The following HP1BP3 variants were observed in gnomAD, a reference collection of about 807,000 sequenced individuals.
HP1BP3 encodes heterochromatin protein 1-binding protein 3.
HP1BP3 carries 12 observed loss-of-function variants against 62.5 expected under a neutral mutation model. That is an observed-to-expected ratio of 0.19 (90% CI 0.12 to 0.31). The LOEUF (loss-of-function observed/expected upper bound fraction) is 0.31. Among genes scored for constraint, HP1BP3 ranks in the 10% least tolerant of loss-of-function variants. The pLI is 1.00. For missense variants in HP1BP3, 502 were observed against 651.8 expected (o/e 0.77, Z 2.50); for synonymous variants, 260 against 237.8 (o/e 1.09, Z -0.86).
intron 7 of HP1BP3, among the ~76,000 whole-genome samples, 164 bp from the exon 8 acceptor site, chr1:20,765,695 G>A (rs954165808): frequency 6.6e-6 from 1 of 152,144 alleles, no homozygotes; most frequent in South Asian, 2.1e-4. Flanking sequence ...TAAAAGCTGG[G>A]TGTGGTGGCT....
intron 4 of HP1BP3, chr1:20,775,814 G>A (rs1236309986): frequency 3.3e-5 from 21 of 640,128 alleles, no homozygotes; most frequent in Non-Finnish European, 1.0e-5. Flanking sequence ...ATAAAGCCTA[G>A]GTATGTAGTA....
In HP1BP3 at chr1:20,747,602, G is replaced by C; in HGVS notation, c.1195C>G (p.Gln399Glu). ...QKCEKNGWME[Q>E]ISGKGFSGTF... ...CCACTGAACCCTTTCCCAGAGATCT[G>C]TTCCATCCACCCATTCTTTTCGCAT... Residue 399 changes from glutamine (Q) to glutamate (E), a missense_variant, in exon 11 of 13, where the codon CAG becomes GAG. Physicochemically the swap from Gln to Glu is conservative, Grantham distance 29. Transcript: ENST00000438032. The C allele has an allele frequency of 6.2e-7, 1 of 1,613,394 alleles. No homozygotes were observed.
chr1:20,785,623 A>G (rs1038815770), intron 1 of HP1BP3, among the ~76,000 whole-genome samples: 2 of 152,200 alleles, frequency 1.3e-5, no homozygotes, highest in East Asian at 3.8e-4. Flanking sequence ...AGGACACTAC[A>G]GTGTCTCATC....
At chr1:20,766,700 G>C (rs922745561) in intron 7 of HP1BP3, among the ~76,000 whole-genome samples, 1 of 152,188 alleles carries the variant, frequency 6.6e-6, no homozygotes, top group South Asian at 2.1e-4. Context: ...AGCACGTTGG[G>C]AGGCGGAGGC....
At chr1:20,753,117 AT>A (rs1255741596) in intron 9 of HP1BP3, among the ~76,000 whole-genome samples, 1 of 151,870 alleles carries the variant, frequency 6.6e-6, no homozygotes, top group Non-Finnish European at 1.5e-5. Context: ...AATTTCTTGT[AT>A]TTTTACTAGA....
At chr1:20,786,675 CG>C (rs2057851431) in intron 1 of HP1BP3, 2 of 152,196 alleles carry the variant, frequency 1.3e-5, no homozygotes, top group South Asian at 2.1e-4. Flanking sequence ...ATGGCGGCGG[CG>C]GGGGCGGAGA....
chr1:20,787,102 GTCGGCGCCCCGGGCGAGCGGCC>G (rs1305291719), intron 1 of HP1BP3, 71 bp downstream of exon 1: 3 of 151,764 alleles, frequency 2.0e-5, no homozygotes, highest in Non-Finnish European at 4.4e-5. Flanking sequence ...TGGGAGCGGC[GTCGGCGCCCCGGGCGAGCGGCC>G]TCCGCCACTC....
chr1:20,767,430 C>T (rs892638936), intron 7 of HP1BP3, among the ~76,000 whole-genome samples, 154 bp downstream of exon 7: 1 of 152,194 alleles, frequency 6.6e-6, no homozygotes, highest in Admixed American at 6.5e-5. Context: ...ATTCTACTCA[C>T]TAGAGGAACA....
chr1:20,757,086 A>C, intron 9 of HP1BP3, 80 bp downstream of exon 9: 1 of 777,488 alleles, frequency 1.3e-6, no homozygotes, highest in Non-Finnish European at 2.2e-6. Flanking sequence ...GGTCCTCAAT[A>C]AATTTTTACA....
intron 1 of HP1BP3, chr1:20,786,289 G>A (rs534115415): frequency 1.3e-5 from 2 of 152,358 alleles, no homozygotes; most frequent in Middle Eastern, 3.4e-3. Flanking sequence ...ACCGCCTAAG[G>A]TGGCGAGTAA....
At chr1:20,768,991 T>G (rs1194315013) in intron 6 of HP1BP3, among the ~76,000 whole-genome samples, 1 of 152,196 alleles carries the variant, frequency 6.6e-6, no homozygotes, top group Non-Finnish European at 1.5e-5. Context: ...GGTCATAAAC[T>G]AAAACATGAA....
intron 1 of HP1BP3, among the ~76,000 whole-genome samples, chr1:20,783,395 T>C (rs999756033): frequency 2.0e-5 from 3 of 151,978 alleles, no homozygotes; most frequent in African/African-American, 7.3e-5. Context: ...GGTGTACACC[T>C]GTAGTCTCAG....
intron 1 of HP1BP3, among the ~76,000 whole-genome samples, chr1:20,783,945 T>C (rs2057696300): frequency 6.6e-6 from 1 of 152,164 alleles, no homozygotes. Flanking sequence ...ATATGCAACG[T>C]TAATTCACAC....
At chr1:20,778,521 T>TAC (rs550059383) in intron 3 of HP1BP3, among the ~76,000 whole-genome samples, 33 of 152,368 alleles carry the variant, frequency 2.2e-4, no homozygotes, top group African/African-American at 6.7e-4. Context: ...AGCTGGCTGT[T>TAC]AAACATGGAT....
At chr1:20,776,439 ACTATATAATAAAC>A (rs935559283) in intron 4 of HP1BP3, 145 bp downstream of exon 4, 1 of 639,818 alleles carries the variant, frequency 1.6e-6, no homozygotes. Context: ...AGGTCAAACA[ACTATATAATAAAC>A]CTATTTCAAA....
At chr1:20,754,291 A>G (rs2055960757) in intron 9 of HP1BP3, among the ~76,000 whole-genome samples, 1 of 151,900 alleles carries the variant, frequency 6.6e-6, no homozygotes, top group South Asian at 2.1e-4. Context: ...TTGGCAATAA[A>G]TTTAACAAAA....
intron 4 of HP1BP3, chr1:20,775,498 C>T (rs2057264247): frequency 6.6e-6 from 1 of 152,132 alleles, no homozygotes; most frequent in Non-Finnish European, 1.5e-5. Context: ...AAAATAAAAA[C>T]TTTTTAGTTT....
In HP1BP3 at chr1:20,744,792, A is replaced by G; in HGVS notation, c.*5T>C. On this transcript the variant is annotated 3_prime_UTR_variant, in exon 13 of 13. Coordinates refer to ENST00000438032, the MANE Select transcript of HP1BP3 (RefSeq NM_001372052.1). ...TCATCATGATACCCTTTTTTCCTAT[A>G]AAATTTACTTTTTCACTCTGAAAGA... 1.3e-6 allele frequency: 2 copies of G among 1,584,910 alleles called. No individual in the cohort carries two copies. The highest frequency in any genetic ancestry group is 2.2e-5 in the East Asian group (1 of 44,710).
intron 9 of HP1BP3, among the ~76,000 whole-genome samples, chr1:20,753,670 CT>C (rs2055919346): frequency 6.6e-6 from 1 of 152,202 alleles, no homozygotes; most frequent in South Asian, 2.1e-4. Context: ...AAGAAATTCA[CT>C]GATTAGGGTT....
Sources: gnomAD v4.1 joint callset for allele counts (sites outside exome capture counted in the v4.1 genomes callset) on GRCh38, gnomAD v4.1.1 for gene constraint, MANE v1.5 for transcripts, NCBI Gene and HGNC (gene_info 2026-07-23, HGNC 2026-07-21) for gene names.